NPAS3: variants seen among roughly 807,000 people sequenced by gnomAD.
NPAS3 encodes the protein neuronal PAS domain protein 3.
In NPAS3, 14 loss-of-function variants were observed where a neutral mutation model predicts 73.1. The ratio of observed to expected loss-of-function variants is 0.19; its 90% CI spans 0.13 to 0.30. The LOEUF (loss-of-function observed/expected upper bound fraction) is 0.30, where lower values mean the gene tolerates loss of function less well. Among genes scored for constraint, NPAS3 ranks in the 10% least tolerant of loss-of-function variants. NPAS3 has a pLI of 1.00. For missense variants in NPAS3, 1,096 were observed against 1,250.0 expected (o/e 0.88, Z 1.86); for synonymous variants, 620 against 541.5 (o/e 1.14, Z -2.01).
chr14:33,385,491 C>T (rs1362202930), intron 4 of NPAS3, among the ~76,000 whole-genome samples: 1 of 152,056 alleles, frequency 6.6e-6, no homozygotes, highest in Admixed American at 6.6e-5. Context: ...GAAACAGCAC[C>T]AGTAGTTTTT....
intron 2 of NPAS3, among the ~76,000 whole-genome samples, chr14:33,150,358 G>A (rs962355121): frequency 6.6e-6 from 1 of 152,198 alleles, no homozygotes; most frequent in African/African-American, 2.4e-5. Flanking sequence ...TCACATGTCA[G>A]AATGAACCTA....
At chr14:33,774,241 G>A (rs1471837886) in intron 7 of NPAS3, 96 bp from the exon 8 acceptor site, 2 of 897,534 alleles carry the variant, frequency 2.2e-6, no homozygotes, top group Non-Finnish European at 3.5e-6. Flanking sequence ...GCTAATGTTG[G>A]TTGTTCCAGA....
At chr14:33,591,649 T>C (rs1212074522) in intron 5 of NPAS3, among the ~76,000 whole-genome samples, 1 of 152,188 alleles carries the variant, frequency 6.6e-6, no homozygotes, top group Non-Finnish European at 1.5e-5. Flanking sequence ...ATAGAAACCA[T>C]GTGTAGGAAA....
chr14:33,746,012 T>C (rs1048528021), intron 7 of NPAS3, among the ~76,000 whole-genome samples: 1 of 152,098 alleles, frequency 6.6e-6, no homozygotes, highest in Non-Finnish European at 1.5e-5. Context: ...GCCTCCTATA[T>C]AGCCCGTAAG....
chr14:33,471,647 C>G (rs1339314640), intron 4 of NPAS3, among the ~76,000 whole-genome samples: 1 of 152,138 alleles, frequency 6.6e-6, no homozygotes, highest in African/African-American at 2.4e-5. Flanking sequence ...ATATCACCGT[C>G]CTTAAAAGAA....
chr14:33,679,328 A>G (rs939369979), intron 6 of NPAS3, among the ~76,000 whole-genome samples: 1 of 152,276 alleles, frequency 6.6e-6, no homozygotes, highest in African/African-American at 2.4e-5. Context: ...AAAGCAGTGT[A>G]GGGTGCTACC....
chr14:33,595,326 C>CT lies in NPAS3; in HGVS notation c.558+35126dup, dbSNP rs1011957261. Among the ~76,000 whole-genome samples, 26 of 147,836 alleles carry CT rather than the reference C, an allele frequency of 1.8e-4. 1 individual carries two copies. The highest frequency in any genetic ancestry group is 3.9e-4 in the African/African-American group (16 of 40,570). On this transcript the variant is annotated intron_variant, in intron 5 of 11. Transcript: ENST00000356141. ...GGCCAAAAATTTATCTTCTCTGCCTCTTTTTTTTTTAACTGCCAGTGTTTG... is the reference window on the plus strand; with the variant it reads ...GGCCAAAAATTTATCTTCTCTGCCTCTTTTTTTTTTTAACTGCCAGTGTTTG...
intron 1 of NPAS3, among the ~76,000 whole-genome samples, chr14:33,050,729 A>G (rs17456727): frequency 0.069 from 10,450 of 152,304 alleles, 483 homozygotes; most frequent in Non-Finnish European, 0.11. Context: ...AGTGCAAAAC[A>G]CATTTCGAAT....
At chr14:33,755,695 A>G (rs2062093673) in intron 7 of NPAS3, among the ~76,000 whole-genome samples, 1 of 152,046 alleles carries the variant, frequency 6.6e-6, no homozygotes, top group African/African-American at 2.4e-5. Context: ...AGGCCATTCT[A>G]TGTTGCTATG....
intron 3 of NPAS3, among the ~76,000 whole-genome samples, chr14:33,262,998 CT>C (rs1237457596): frequency 6.6e-6 from 1 of 151,888 alleles, no homozygotes; most frequent in Non-Finnish European, 1.5e-5. Context: ...AATTTGAGTC[CT>C]TTGTAGATTC....
chr14:32,952,992 G>T (rs1320420395), intron 1 of NPAS3, among the ~76,000 whole-genome samples: 1 of 151,830 alleles, frequency 6.6e-6, no homozygotes, highest in Non-Finnish European at 1.5e-5. Context: ...GATTGCTTGA[G>T]CCCAGGAGTT....
intron 6 of NPAS3, among the ~76,000 whole-genome samples, chr14:33,684,470 C>T (rs2060032356): frequency 6.6e-6 from 1 of 152,028 alleles, no homozygotes; most frequent in Admixed American, 6.5e-5. Flanking sequence ...CACCACCACA[C>T]CTAGATAATT....
upstream of NPAS3, among the ~76,000 whole-genome samples, chr14:32,936,304 G>GTT (rs34612468): frequency 1.2e-4 from 18 of 145,176 alleles, no homozygotes; most frequent in African/African-American, 2.5e-4. Context: ...ACTGTCTGAA[G>GTT]TTTTTTTTTT....
At chr14:33,608,111 A>C (rs565857283) in intron 5 of NPAS3, among the ~76,000 whole-genome samples, 1 of 152,342 alleles carries the variant, frequency 6.6e-6, no homozygotes, top group African/African-American at 2.4e-5. Flanking sequence ...GAAAAATCTG[A>C]GGACATTTAG....
intron 4 of NPAS3, among the ~76,000 whole-genome samples, chr14:33,483,302 G>A (rs1376845506): frequency 1.3e-5 from 2 of 152,216 alleles, no homozygotes; most frequent in Non-Finnish European, 2.9e-5. Flanking sequence ...AGGACAGACA[G>A]TAGTAACCTA....
chr14:33,364,065 C>T (rs1163298468), intron 3 of NPAS3, among the ~76,000 whole-genome samples: 3 of 151,934 alleles, frequency 2.0e-5, no homozygotes, highest in East Asian at 3.9e-4. Context: ...AACTGTGACC[C>T]GTTCGGCAAT....
At chr14:33,558,872 C>T (rs1595152727) in intron 4 of NPAS3, among the ~76,000 whole-genome samples, 1 of 147,200 alleles carries the variant, frequency 6.8e-6, no homozygotes, top group African/African-American at 2.5e-5. Flanking sequence ...TAACACCACT[C>T]ACATTTAAAA....
chr14:33,289,163 T>G (rs1290050032), intron 3 of NPAS3, among the ~76,000 whole-genome samples: 5 of 152,180 alleles, frequency 3.3e-5, no homozygotes, highest in African/African-American at 1.2e-4. Flanking sequence ...AGGCACGCAT[T>G]TTTATCATTC....
At chr14:33,286,465 T>A (rs969879444) in intron 3 of NPAS3, among the ~76,000 whole-genome samples, 7 of 152,228 alleles carry the variant, frequency 4.6e-5, no homozygotes, top group Non-Finnish European at 7.3e-5. Flanking sequence ...ATAATGGCAT[T>A]GTGCTGTGTT....
Sources: allele counts gnomAD v4.1 joint callset (sites outside exome capture counted in the v4.1 genomes callset), GRCh38; gene constraint gnomAD v4.1.1; transcripts MANE v1.5; gene names NCBI Gene and HGNC (gene_info 2026-07-23, HGNC 2026-07-21).